POLR3E: variants seen among roughly 807,000 people sequenced by gnomAD.
The protein encoded by POLR3E is RNA polymerase III subunit E.
POLR3E carries 41 observed loss-of-function variants against 96.6 expected under a neutral mutation model. That is an observed-to-expected ratio of 0.42 (90% CI 0.33 to 0.55). POLR3E has a LOEUF of 0.55. Among genes scored for constraint, POLR3E ranks in the 20% least tolerant of loss-of-function variants. The pLI, the probability that POLR3E is intolerant of heterozygous loss-of-function variation, is 0.06. For synonymous variants in POLR3E, 396 were observed against 383.6 expected, an observed-to-expected ratio of 1.03 and a Z score of -0.38; for missense variants, 849 against 952.1, an observed-to-expected ratio of 0.89 and a Z score of 1.43.
At chr16:22,326,646 G>A (rs772740997) in intron 18 of POLR3E, 8 of 351,268 alleles carry the variant, frequency 2.3e-5, no homozygotes, top group African/African-American at 1.5e-4. Context: ...TTCTAAGATC[G>A]TTTGATCTTC....
intron 20 of POLR3E, among the ~76,000 whole-genome samples, chr16:22,332,967 C>CTTTTTTTT (rs1166614906): frequency 2.5e-4 from 18 of 73,060 alleles, no homozygotes; most frequent in Non-Finnish European, 3.4e-4. Flanking sequence ...CGTAGACCCC[C>CTTTTTTTT]TTTTTTTTTT....
intron 1 of POLR3E, among the ~76,000 whole-genome samples, chr16:22,298,136 C>G (rs2047935102): frequency 6.6e-6 from 1 of 152,226 alleles, no homozygotes. Flanking sequence ...ACCATTCGGT[C>G]CGAGGAGGTG....
In POLR3E at chr16:22,313,482, G is replaced by C; in HGVS notation, c.365-138G>C. The C allele has an allele frequency of 1.6e-6, 1 of 623,624 alleles. No homozygotes were observed. The highest frequency in any genetic ancestry group is 2.9e-6 in the Non-Finnish European group (1 of 344,782). The allele number at this position is 623,624 out of a possible 1,614,324, so 38.6% of individuals were successfully genotyped here. Reference sequence around the variant, plus strand: ...ATGGTCCCTGGCCTGGTGGTCCCAAGACTCTAGGATTGGGGGCTGCAGCGG... The same window carrying C: ...ATGGTCCCTGGCCTGGTGGTCCCAACACTCTAGGATTGGGGGCTGCAGCGG... On this transcript the variant is annotated intron_variant, in intron 6 of 20. Transcript: ENST00000299853. The surrounding 1 kb of genome is among the most constrained non-coding windows in gnomAD (Gnocchi z 4.1).
chr16:22,301,740 A>G (rs1456471313), intron 1 of POLR3E, among the ~76,000 whole-genome samples: 1 of 152,040 alleles, frequency 6.6e-6, no homozygotes, highest in Non-Finnish European at 1.5e-5. Context: ...AACCTGGCCA[A>G]CATGGCAAGT....
intron 1 of POLR3E, 166 bp from the exon 2 acceptor site, chr16:22,302,764 TG>T (rs2048052584): frequency 4.8e-6 from 3 of 630,950 alleles, no homozygotes; most frequent in Non-Finnish European, 8.6e-6. Flanking sequence ...TTCTGGCTGA[TG>T]GGGTATAGGG....
chr16:22,307,061 C>T (rs532119717), intron 3 of POLR3E, among the ~76,000 whole-genome samples: 4 of 152,208 alleles, frequency 2.6e-5, no homozygotes, highest in African/African-American at 4.8e-5. Flanking sequence ...CAGTGACCCC[C>T]GTGTGTCCAG....
chr16:22,305,104 A>T, intron 2 of POLR3E, 52 bp from the exon 3 acceptor site: 2 of 1,418,620 alleles, frequency 1.4e-6, no homozygotes, highest in South Asian at 1.1e-5. Flanking sequence ...TAGCCCGGGG[A>T]GGTCAGCACT....
At chr16:22,314,802 G>A (rs2048320192) in intron 8 of POLR3E, 1 of 262,272 alleles carries the variant, frequency 3.8e-6, no homozygotes, top group Non-Finnish European at 7.3e-6. Flanking sequence ...AAGGCATCCT[G>A]GGCCTGTCTG....
At position 22,328,486 on chromosome 16, in the gene POLR3E, A is replaced by G. The variant is rs749058442; in HGVS notation, c.1867-24A>G. 8.7e-6 allele frequency: 14 copies of G among 1,602,406 alleles called. No homozygotes were observed. In the South Asian group the frequency reaches 1.3e-4, roughly 15 times the overall value. On this transcript the variant is annotated intron_variant, in intron 18 of 20. Transcript: ENST00000299853. ...ATCCATGGGGTAGAGATGGACAAGC[A>G]ACTCACCCCTGGGCCTTGGTCAGTT...
At chr16:22,325,147 T>C in intron 16 of POLR3E, 58 bp from the exon 17 acceptor site, 4 of 1,349,686 alleles carry the variant, frequency 3.0e-6, no homozygotes, top group South Asian at 1.2e-5. Flanking sequence ...TTGTTTCTCT[T>C]GTGAAGCAGA....
At chr16:22,301,553 C>A (rs1481156507) in intron 1 of POLR3E, among the ~76,000 whole-genome samples, 1 of 151,932 alleles carries the variant, frequency 6.6e-6, no homozygotes, top group Non-Finnish European at 1.5e-5. Context: ...AGCACTTCAA[C>A]CTGGGTGACA....
At chr16:22,319,698 C>A (rs1210177455) in intron 13 of POLR3E, among the ~76,000 whole-genome samples, 2 of 152,056 alleles carry the variant, frequency 1.3e-5, no homozygotes, top group Non-Finnish European at 2.9e-5. Flanking sequence ...TGTGCCTGGC[C>A]GCATTTAAAC....
At chr16:22,324,146 G>A (rs1225314337) in intron 14 of POLR3E, among the ~76,000 whole-genome samples, 1 of 152,022 alleles carries the variant, frequency 6.6e-6, no homozygotes, top group African/African-American at 2.4e-5. Flanking sequence ...CCTTGGAAGA[G>A]ATGGGCCTGG....
rs971837138 is a variant in POLR3E at position 22,315,183 on chromosome 16, T to A, written c.617T>A (p.Val206Asp). The change falls in exon 9 of 21, where the codon GTC becomes GAC. Residue 206 changes from valine (V) to aspartate (D), a missense_variant. Physicochemically the swap from Val to Asp is radical, Grantham distance 152. Transcript: ENST00000299853. ...AAGAAGCACGCAGAGGAGCCCTGGG[T>A]CCACCTGCATTACTATGGCCTGAGG... ...LQKKHAEEPWVHLHYYGLRDS... is the reference protein window; with the variant it reads ...LQKKHAEEPWDHLHYYGLRDS... The A allele has an allele frequency of 4.4e-6, 7 of 1,600,326 alleles. No homozygotes were observed. The highest frequency in any genetic ancestry group is 6.0e-6 in the Non-Finnish European group (7 of 1,173,394).
At chr16:22,297,994 C>T (rs1179623058) in intron 1 of POLR3E, among the ~76,000 whole-genome samples, 1 of 152,258 alleles carries the variant, frequency 6.6e-6, no homozygotes, top group Admixed American at 6.5e-5. Context: ...GGCACCTGCG[C>T]CTGCCGGAGC....
chr16:22,313,047 G>C lies in POLR3E; in HGVS notation c.365-573G>C, dbSNP rs182072159. Among the ~76,000 whole-genome samples, 107 of 152,238 alleles carry C rather than the reference G, an allele frequency of 7.0e-4. No individual in the cohort carries two copies. Among genetic ancestry groups the C allele is most frequent in the African/African-American group, 2.4e-3 (100 of 41,524 alleles). Reference sequence around the variant, plus strand: ...TGTCTCAAGCATGTAATTCTTGAAAGCCACATCCCTTGCAGCGGGAGGGAA... The same window carrying C: ...TGTCTCAAGCATGTAATTCTTGAAACCCACATCCCTTGCAGCGGGAGGGAA... On this transcript the variant is annotated intron_variant, in intron 6 of 20. Coordinates refer to ENST00000299853, the MANE Select transcript of POLR3E (RefSeq NM_018119.4). The surrounding 1 kb of genome is among the most constrained non-coding windows in gnomAD (Gnocchi z 4.1).
In POLR3E at chr16:22,313,132, C is replaced by T. The variant is rs1343501321; in HGVS notation, c.365-488C>T. ...CCACCCAGTTCTAGCAGGGCCTCTTCTCCAGCCACAGTGGCACTAGTGGAC... is the reference window on the plus strand; with the variant it reads ...CCACCCAGTTCTAGCAGGGCCTCTTTTCCAGCCACAGTGGCACTAGTGGAC... On this transcript the variant is annotated intron_variant, in intron 6 of 20. Coordinates refer to ENST00000299853, the MANE Select transcript of POLR3E (RefSeq NM_018119.4). The surrounding 1 kb of genome is among the most constrained non-coding windows in gnomAD (Gnocchi z 4.1). Among the ~76,000 whole-genome samples the T allele has an allele frequency of 6.6e-6, 1 of 152,108 alleles. No homozygotes were observed. The highest frequency in any genetic ancestry group is 1.5e-5 in the Non-Finnish European group (1 of 68,034).
chr16:22,309,601 A>G, intron 6 of POLR3E, 91 bp downstream of exon 6: 1 of 917,404 alleles, frequency 1.1e-6, no homozygotes, highest in Non-Finnish European at 1.8e-6. Flanking sequence ...TCCATCTCCC[A>G]CCTGCCCTGA....
intron 20 of POLR3E, 92 bp from the exon 21 acceptor site, chr16:22,333,552 C>A: frequency 4.5e-6 from 4 of 884,916 alleles, no homozygotes; most frequent in Non-Finnish European, 5.7e-6. Flanking sequence ...ATTCTATTCA[C>A]TAATCATAAA....
Sources: gnomAD v4.1 joint callset for allele counts (sites outside exome capture counted in the v4.1 genomes callset) on GRCh38, gnomAD v4.1.1 for gene constraint, Gnocchi (gnomAD v3.1) non-coding constraint, MANE v1.5 for transcripts, NCBI Gene and HGNC (gene_info 2026-07-23, HGNC 2026-07-21) for gene names.